RYR3: variants seen among roughly 807,000 people sequenced by gnomAD.
RYR3 encodes the protein brain ryanodine receptor-calcium release channel.
RYR3 carries 207 observed loss-of-function variants against 584.3 expected under a neutral mutation model. The ratio of observed to expected loss-of-function variants is 0.35; its 90% CI spans 0.32 to 0.40. The LOEUF is 0.40. RYR3 is among the 10% of genes least tolerant of loss of function. RYR3 has a pLI of 1.00. For missense variants in RYR3, 5,616 were observed against 6,089.2 expected (o/e 0.92, Z 2.59); for synonymous variants, 2,416 against 2,248.5 (o/e 1.07, Z -2.11).
intron 75 of RYR3, among the ~76,000 whole-genome samples, chr15:33,818,130 A>G (rs1195434989): frequency 6.6e-6 from 1 of 152,098 alleles, no homozygotes; most frequent in East Asian, 1.9e-4. Flanking sequence ...ACTGCTTTGT[A>G]ACTCTTGCCC....
chr15:33,368,687 C>T (rs1186470379), intron 1 of RYR3, among the ~76,000 whole-genome samples: 1 of 152,048 alleles, frequency 6.6e-6, no homozygotes, highest in African/African-American at 2.4e-5. Flanking sequence ...GAGCAGTGTC[C>T]TTCCCATGCA....
chr15:33,473,609 G>T (rs1009332735), intron 2 of RYR3, 71 bp downstream of exon 2: 24 of 1,483,040 alleles, frequency 1.6e-5, no homozygotes, highest in Non-Finnish European at 2.1e-5. Flanking sequence ...GGGAGATACT[G>T]CTGGGAGATG....
chr15:33,855,535 A>ATGAATCTGATATATTCCC (rs2079561683), intron 98 of RYR3, among the ~76,000 whole-genome samples: 1 of 152,144 alleles, frequency 6.6e-6, no homozygotes, highest in Non-Finnish European at 1.5e-5. Context: ...CCCTTCCTCC[A>ATGAATCTGATATATTCCC]TGAATCTGAT....
intron 5 of RYR3, among the ~76,000 whole-genome samples, chr15:33,534,587 G>A (rs11072521): frequency 0.86 from 131,148 of 152,146 alleles, 57,152 homozygotes; most frequent in Middle Eastern, 0.96. Context: ...GACCAGGATG[G>A]CACAGGTTCT....
At position 33,794,373 on chromosome 15, in the gene RYR3, C is replaced by G. The variant is rs924338323; in HGVS notation, c.9830+5915C>G. 2.1e-5 allele frequency among the ~76,000 whole-genome samples: 3 copies of G among 142,998 alleles called. No homozygotes were observed. The Admixed American group carries it at 2.2e-4, about 10-fold the overall frequency. 93.8% of individuals were successfully genotyped at this position (142,998 alleles called of 152,430 possible). ...AATATATATATATATAAAATCTTTTCTTTCCTTACCTATCTATGGGAAATT... is the reference window on the plus strand; with the variant it reads ...AATATATATATATATAAAATCTTTTGTTTCCTTACCTATCTATGGGAAATT... On this transcript the variant is annotated intron_variant, in intron 67 of 103. Transcript: ENST00000634891.
chr15:33,611,284 C>T (rs1390979914), intron 18 of RYR3, among the ~76,000 whole-genome samples: 3 of 152,112 alleles, frequency 2.0e-5, no homozygotes, highest in Admixed American at 6.5e-5. Context: ...GGGCTGGGCG[C>T]GGTGGCTCAC....
chr15:33,635,933 C>A, intron 26 of RYR3, 114 bp downstream of exon 26: 1 of 850,176 alleles, frequency 1.2e-6, no homozygotes, highest in Non-Finnish European at 1.9e-6. Flanking sequence ...TGACCACCAC[C>A]ACTGGCTAAT....
At chr15:33,443,131 C>T (rs147828518) in intron 1 of RYR3, among the ~76,000 whole-genome samples, 4 of 152,010 alleles carry the variant, frequency 2.6e-5, no homozygotes, top group East Asian at 1.9e-4. Flanking sequence ...TTGTGGTGCA[C>T]GTCTGTAATC....
chr15:33,819,699 T>TAAAC (rs1352768535), intron 76 of RYR3, 57 bp from the exon 77 acceptor site: 1 of 911,770 alleles, frequency 1.1e-6, no homozygotes, highest in South Asian at 2.7e-5. Context: ...AATAAATAAA[T>TAAAC]AAATAAATAA....
chr15:33,505,528 G>A (rs1399204190), intron 3 of RYR3, among the ~76,000 whole-genome samples: 3 of 152,194 alleles, frequency 2.0e-5, no homozygotes, highest in African/African-American at 7.2e-5. Flanking sequence ...GTCTTGCTCT[G>A]TCGCCCAGGC....
intron 1 of RYR3, among the ~76,000 whole-genome samples, chr15:33,345,313 C>A (rs1284356212): frequency 6.6e-6 from 1 of 152,116 alleles, no homozygotes; most frequent in African/African-American, 2.4e-5. Context: ...TATAAGATAT[C>A]ATCTAGCAGC....
chr15:33,601,303 T>A, intron 16 of RYR3, 116 bp from the exon 17 acceptor site: 1 of 1,040,074 alleles, frequency 9.6e-7, no homozygotes. Context: ...GAGCTGGCTC[T>A]CTACCCGTCA....
chr15:33,399,455 G>A (rs112349669), intron 1 of RYR3, among the ~76,000 whole-genome samples: 33,424 of 151,942 alleles, frequency 0.22, 4,638 homozygotes, highest in Non-Finnish European at 0.3. Flanking sequence ...CCTGGCCAAT[G>A]TGGTGAAAAC....
chr15:33,840,699 T>C, intron 89 of RYR3, 126 bp from the exon 90 acceptor site: 1 of 789,496 alleles, frequency 1.3e-6, no homozygotes. Context: ...TCAGTGATCC[T>C]GAGAGAAGCA....
At chr15:33,339,287 C>T (rs113855933) in intron 1 of RYR3, among the ~76,000 whole-genome samples, 11 of 152,244 alleles carry the variant, frequency 7.2e-5, no homozygotes, top group African/African-American at 1.4e-4. Flanking sequence ...GATGGGCTCA[C>T]GGAGAGCTCT....
Position 33,750,221 on chromosome 15 carries a change from C to T in RYR3, c.8334C>T (p.Phe2778=). The change falls in exon 57 of 104, where the codon TTC becomes TTT. Residue 2778 remains phenylalanine, a synonymous_variant. Coordinates refer to ENST00000634891, the MANE Select transcript of RYR3 (RefSeq NM_001036.6). ...PYDTLTAKEK[F]KDREKAQDLF... The stretch of plus-strand genomic sequence containing the variant: ...ACACCTTGACTGCCAAGGAAAAGTT[C>T]AAGGACCGGGAGAAGGCACAGGACC... 1.2e-6 allele frequency: 2 copies of T among 1,609,886 alleles called. No homozygotes were observed. The highest frequency in any genetic ancestry group is 1.7e-6 in the Non-Finnish European group (2 of 1,178,138).
intron 43 of RYR3, among the ~76,000 whole-genome samples, chr15:33,718,113 G>C (rs532641485): frequency 6.6e-6 from 1 of 152,308 alleles, no homozygotes; most frequent in Admixed American, 6.5e-5. Context: ...TTAATTAAAT[G>C]AGTGTCAGTA....
intron 91 of RYR3, among the ~76,000 whole-genome samples, chr15:33,842,917 A>G (rs2078465285): frequency 6.6e-6 from 1 of 152,186 alleles, no homozygotes. Context: ...TCCCTGAGCA[A>G]TAAAGCCAGA....
intron 64 of RYR3, among the ~76,000 whole-genome samples, chr15:33,776,083 C>A (rs1472572667): frequency 6.6e-6 from 1 of 152,166 alleles, no homozygotes; most frequent in Non-Finnish European, 1.5e-5. Context: ...TCTCTACCAC[C>A]TTTTGCTGGC....
Sources: gnomAD v4.1 joint callset for allele counts (sites outside exome capture counted in the v4.1 genomes callset) on GRCh38, gnomAD v4.1.1 for gene constraint, MANE v1.5 for transcripts, NCBI Gene and HGNC (gene_info 2026-07-23, HGNC 2026-07-21) for gene names.